UPP1: variants seen among roughly 807,000 people sequenced by gnomAD.
UPP1 encodes uridine phosphorylase 1.
Under a neutral mutation model 29.6 loss-of-function variants are expected in UPP1, and 25 were observed. That is an observed-to-expected ratio of 0.85 (90% CI 0.62 to 1.18). The LOEUF (loss-of-function observed/expected upper bound fraction) is 1.18, where lower values mean the gene tolerates loss of function less well. Ranked by LOEUF, UPP1 falls within the 50% of genes most tolerant of loss-of-function variation. The pLI is 0.00. For synonymous variants in UPP1, 165 were observed against 159.8 expected (o/e 1.03, Z -0.25); for missense variants, 368 against 410.4 (o/e 0.90, Z 0.89).
Position 48,108,608 on chromosome 7 carries a change from C to A in UPP1, c.*251C>A. 2.8e-6 allele frequency: 1 copy of A among 359,354 alleles called. No homozygotes were observed. The highest frequency in any genetic ancestry group is 4.8e-6 in the Non-Finnish European group (1 of 208,692). 22.3% of individuals were successfully genotyped at this position (359,354 alleles called of 1,614,324 possible). On this transcript the variant is annotated 3_prime_UTR_variant, in exon 9 of 9. Transcript: ENST00000395564. ...AAGAACATTCTACCAAATTTTTGTA[C>A]TATTTCTAGGGAAATTTTTCAGACT...
chr7:48,090,955 A>G (rs1291420356), intron 2 of UPP1, among the ~76,000 whole-genome samples: 2 of 152,232 alleles, frequency 1.3e-5, no homozygotes, highest in South Asian at 4.1e-4. Context: ...GTTTCTTTAC[A>G]TGGGCTTTTT....
At chr7:48,089,689 T>G (rs951176263) in intron 1 of UPP1, 2 of 152,238 alleles carry the variant, frequency 1.3e-5, no homozygotes, top group Non-Finnish European at 2.9e-5. Flanking sequence ...GTCCACCCCG[T>G]GCCTACCTCT....
chr7:48,089,774 C>G (rs3752889), intron 1 of UPP1: 92,090 of 151,744 alleles, frequency 0.61, 28,315 homozygotes, highest in African/African-American at 0.71. Context: ...GAGGGTGAAG[C>G]CAGAGCCGGC....
intron 2 of UPP1, among the ~76,000 whole-genome samples, chr7:48,093,727 G>A (rs1425939454): frequency 6.6e-6 from 1 of 152,180 alleles, no homozygotes; most frequent in Non-Finnish European, 1.5e-5. Context: ...AGACGGGGCC[G>A]TGGGCTGACT....
At chr7:48,097,619 G>T (rs1792194093) in intron 3 of UPP1, among the ~76,000 whole-genome samples, 1 of 152,176 alleles carries the variant, frequency 6.6e-6, no homozygotes. Flanking sequence ...AAGGAGAAAA[G>T]ACAAGTATTT....
At position 48,107,042 on chromosome 7, in the gene UPP1, A is replaced by T; in HGVS notation, c.606A>T (p.Thr202=). 1 of 1,612,346 alleles carries T rather than the reference A, an allele frequency of 6.2e-7. No individual in the cohort carries two copies. The highest frequency in any genetic ancestry group is 8.5e-7 in the Non-Finnish European group (1 of 1,179,882). ...CTGCAGAGCTGAGCGAGTTCACCAC[A>T]GTGGTGGGGAACACCATGTGCACCT... The part of the protein sequence containing the change: ...LCSAELSEFT[T]VVGNTMCTLD... Residue 202 remains threonine (T), a synonymous_variant, in exon 7 of 9, where the codon ACA becomes ACT. Transcript: ENST00000395564.
At position 48,103,411 on chromosome 7, in the gene UPP1, G is replaced by A; in HGVS notation, c.436G>A (p.Gly146Ser). The change falls in exon 6 of 9, where the codon GGT (glycine) becomes AGT (serine). Residue 146 changes from glycine to serine, a missense_variant and splice_region_variant. Physicochemically the swap from Gly to Ser is moderately conservative, Grantham distance 56. Transcript: ENST00000395564. The part of the protein sequence containing the change: ...IIRIGTSGGI[G>S]LEPGTVVITE... ...CCGCATTGGCACTTCTGGTGGGATA[G>A]GTAAGGTCTGCAGAGGGGCCTCTTG... 1 of 1,613,230 alleles carries A rather than the reference G, an allele frequency of 6.2e-7. No individual in the cohort carries two copies. Among genetic ancestry groups the A allele is most frequent in the Non-Finnish European group, 8.5e-7 (1 of 1,179,238 alleles).
In UPP1 at chr7:48,108,368, G is replaced by A. The variant is rs201630608; in HGVS notation, c.*11G>A. On this transcript the variant is annotated 3_prime_UTR_variant, in exon 9 of 9. Transcript: ENST00000395564. The stretch of plus-strand genomic sequence containing the variant: ...CTGAGCAAGGCCTGAGCGCTGCCCT[G>A]CACCTCCGCAGACCTGCTGTGATGA... The A allele has an allele frequency of 3.7e-6, 6 of 1,609,768 alleles. No individual in the cohort carries two copies. Among genetic ancestry groups the A allele is most frequent in the Non-Finnish European group, 5.1e-6 (6 of 1,176,572 alleles).
chr7:48,106,866 T>G lies in UPP1; in HGVS notation c.437-7T>G. 6.2e-7 allele frequency: 1 copy of G among 1,613,532 alleles called. No individual in the cohort carries two copies. The highest frequency in any genetic ancestry group is 1.1e-5 in the South Asian group (1 of 91,046). On this transcript the variant is annotated splice_polypyrimidine_tract_variant and splice_region_variant and intron_variant, in intron 6 of 8. Coordinates refer to ENST00000395564, the MANE Select transcript of UPP1 (RefSeq NM_003364.4). ...CTGCATATCTTGATGTCTGCTTTTTTCCTCAGGTCTGGAGCCCGGCACTGT... is the reference window on the plus strand; with the variant it reads ...CTGCATATCTTGATGTCTGCTTTTTGCCTCAGGTCTGGAGCCCGGCACTGT...
At chr7:48,106,603 C>T in intron 6 of UPP1, 1 of 402,904 alleles carries the variant, frequency 2.5e-6, no homozygotes. Context: ...TGGGCCACTG[C>T]ACCCAGCCCT....
intron 3 of UPP1, 123 bp downstream of exon 3, chr7:48,094,950 G>A: frequency 8.4e-7 from 1 of 1,195,122 alleles, no homozygotes; most frequent in Non-Finnish European, 1.2e-6. Context: ...TTGTGAAAGA[G>A]ACTGAGGCCT....
intron 5 of UPP1, among the ~76,000 whole-genome samples, chr7:48,102,298 G>A (rs1234784373): frequency 6.6e-6 from 1 of 152,174 alleles, no homozygotes; most frequent in Non-Finnish European, 1.5e-5. Context: ...CCTGCCTGGA[G>A]CAGGATGGAA....
At position 48,094,769 on chromosome 7, in the gene UPP1, G is replaced by T; in HGVS notation, c.-15G>T. ...TGTGATTTTTTTTCCTTAGGGTCCT[G>T]CCTCAGTTGGCGGAATGGCGGCCAC... On this transcript the variant is annotated 5_prime_UTR_variant, in exon 3 of 9. Transcript: ENST00000395564. 1.9e-6 allele frequency: 3 copies of T among 1,614,094 alleles called. No homozygotes were observed. Among genetic ancestry groups the T allele is most frequent in the South Asian group, 1.1e-5 (1 of 91,070 alleles).
At chr7:48,101,261 A>G (rs1040673067) in intron 4 of UPP1, among the ~76,000 whole-genome samples, 1 of 152,132 alleles carries the variant, frequency 6.6e-6, no homozygotes, top group African/African-American at 2.4e-5. Context: ...TTCAAAACCA[A>G]CATTTTCTTA....
In UPP1 at chr7:48,108,308, C is replaced by T. The variant is rs766368587; in HGVS notation, c.884C>T (p.Pro295Leu). 8.1e-6 allele frequency: 13 copies of T among 1,613,952 alleles called. No homozygotes were observed. The highest frequency in any genetic ancestry group is 7.7e-5 in the South Asian group (7 of 91,078). Residue 295 changes from proline (P) to leucine (L), a missense_variant, in exon 9 of 9, where the codon CCG (proline) becomes CTG (leucine). Coordinates refer to ENST00000395564, the MANE Select transcript of UPP1 (RefSeq NM_003364.4). ...RNVLSEYQQR[P>L]QRLVSYFIKK... Reference sequence around the variant, plus strand: ...GTGCTCAGCGAGTACCAGCAGAGGCCGCAGCGGCTGGTGAGCTACTTCATC... The same window carrying T: ...GTGCTCAGCGAGTACCAGCAGAGGCTGCAGCGGCTGGTGAGCTACTTCATC...
chr7:48,108,063 C>G (rs963514277), intron 8 of UPP1, among the ~76,000 whole-genome samples, 155 bp from the exon 9 acceptor site: 1 of 152,222 alleles, frequency 6.6e-6, no homozygotes, highest in African/African-American at 2.4e-5. Flanking sequence ...TTCCCTCCCG[C>G]ACTCCATCCT....
chr7:48,094,687 A>G, intron 2 of UPP1, 76 bp from the exon 3 acceptor site: 5 of 1,302,800 alleles, frequency 3.8e-6, no homozygotes, highest in African/African-American at 1.5e-5. Flanking sequence ...CTGACTTTCT[A>G]CATATTAGTG....
Position 48,090,333 on chromosome 7 carries a change from G to A in UPP1, c.-53G>A, listed in dbSNP as rs1210123294. Reference sequence around the variant, plus strand: ...GCCTGGAGCGCCTCCCACTGCAGACGTCTGTCCGCCTCCAGCCGCTCTCCT... The same window carrying A: ...GCCTGGAGCGCCTCCCACTGCAGACATCTGTCCGCCTCCAGCCGCTCTCCT... On this transcript the variant is annotated 5_prime_UTR_variant, in exon 2 of 9. Transcript: ENST00000395564. 6.6e-6 allele frequency: 1 copy of A among 152,256 alleles called. No homozygotes were observed. Among genetic ancestry groups the A allele is most frequent in the Non-Finnish European group, 1.5e-5 (1 of 68,056 alleles). 9.4% of individuals were successfully genotyped at this position (152,256 alleles called of 1,614,324 possible). A position where few individuals can be genotyped will look rare whatever the true frequency, so the allele number is the denominator to read the frequency against.
At chr7:48,090,850 T>A (rs1007166614) in intron 2 of UPP1, among the ~76,000 whole-genome samples, 2 of 152,222 alleles carry the variant, frequency 1.3e-5, no homozygotes, top group Non-Finnish European at 2.9e-5. Flanking sequence ...CCGTTTTAAT[T>A]CAGCACAGGT....
Sources: gnomAD v4.1 joint callset for allele counts (sites outside exome capture counted in the v4.1 genomes callset) on GRCh38, gnomAD v4.1.1 for gene constraint, MANE v1.5 for transcripts, NCBI Gene and HGNC (gene_info 2026-07-23, HGNC 2026-07-21) for gene names.